The following ATP10A variants were observed in gnomAD, a reference collection of about 807,000 sequenced individuals.
ATP10A encodes phospholipid-transporting ATPase VA.
Under a neutral mutation model 147.8 loss-of-function variants are expected in ATP10A, and 111 were observed. The ratio of observed to expected loss-of-function variants is 0.75; its 90% CI spans 0.64 to 0.88. ATP10A has a LOEUF of 0.88. Among genes scored for constraint, ATP10A ranks in the 40% least tolerant of loss-of-function variants. The probability of loss-of-function intolerance (pLI) is 0.00; values close to 1 mark genes in which losing one functional copy is unlikely to be tolerated. For synonymous variants in ATP10A, 875 were observed against 841.6 expected (o/e 1.04, Z -0.69); for missense variants, 1,927 against 1,959.0 (o/e 0.98, Z 0.31).
intron 2 of ATP10A, among the ~76,000 whole-genome samples, chr15:25,778,496 G>GAAA (rs199544444): frequency 6.9e-5 from 10 of 145,536 alleles, no homozygotes; most frequent in Admixed American, 2.7e-4. Context: ...TAGGGAAAGA[G>GAAA]AAAAAAAAAA....
intron 1 of ATP10A, among the ~76,000 whole-genome samples, chr15:25,842,616 T>C (rs1481752553): frequency 1.3e-5 from 2 of 152,188 alleles, no homozygotes; most frequent in Non-Finnish European, 2.9e-5. Flanking sequence ...ATGATTTTCA[T>C]ACTAGGATGA....
intron 1 of ATP10A, among the ~76,000 whole-genome samples, chr15:25,783,901 C>T (rs1261232697): frequency 5.3e-5 from 8 of 152,200 alleles, no homozygotes; most frequent in East Asian, 1.9e-4. Flanking sequence ...TGCAGAGGCT[C>T]GTTCCTCAGG....
At chr15:25,762,954 A>G (rs981136697) in intron 2 of ATP10A, among the ~76,000 whole-genome samples, 2 of 152,222 alleles carry the variant, frequency 1.3e-5, no homozygotes, top group African/African-American at 2.4e-5. Context: ...AAGGGCAGCT[A>G]AAGTTTTCAA....
At chr15:25,707,946 C>T (rs1188218687) in intron 12 of ATP10A, 30 bp downstream of exon 12, 6 of 1,612,262 alleles carry the variant, frequency 3.7e-6, no homozygotes, top group Non-Finnish European at 4.2e-6. Context: ...TCCACACTGC[C>T]CTTAGGCATG....
chr15:25,830,199 G>T (rs140816928), intron 1 of ATP10A, among the ~76,000 whole-genome samples: 2 of 152,082 alleles, frequency 1.3e-5, no homozygotes, highest in African/African-American at 4.8e-5. Context: ...ATGCAGGAGA[G>T]GGGGTGCAGC....
intron 1 of ATP10A, among the ~76,000 whole-genome samples, chr15:25,840,614 T>G (rs1892772331): frequency 6.6e-6 from 1 of 152,220 alleles, no homozygotes; most frequent in Non-Finnish European, 1.5e-5. Flanking sequence ...AATGCTGCGA[T>G]GAACATTTCT....
intron 12 of ATP10A, 134 bp downstream of exon 12, chr15:25,707,842 G>T: frequency 7.9e-7 from 1 of 1,270,606 alleles, no homozygotes; most frequent in Non-Finnish European, 1.1e-6. Flanking sequence ...CCTCGGCTGT[G>T]CCAGCGTCCT....
rs373469151 is a variant in ATP10A, at chr15:25,679,670, G to A, written c.4171C>T (p.Pro1391Ser). Residue 1391 changes from proline (P) to serine (S), a missense_variant, in exon 21 of 21, where the codon CCG becomes TCG. Transcript: ENST00000555815. ...CCTGGCGCAGAGGACATGGGGGCCG[G>A]TGCGCTCAGCCCCTCCAGCAGGGTG... ...EHTLLEGLSA[P>S]APMSSAPGEA... 9 of 1,613,272 alleles carry A rather than the reference G, an allele frequency of 5.6e-6. No homozygotes were observed. The highest frequency in any genetic ancestry group is 1.1e-5 in the South Asian group (1 of 91,084).
intron 3 of ATP10A, among the ~76,000 whole-genome samples, chr15:25,727,946 T>C (rs1342224598): frequency 6.6e-6 from 1 of 152,132 alleles, no homozygotes; most frequent in Non-Finnish European, 1.5e-5. Flanking sequence ...CTGGGACAGA[T>C]ATGGCCCCAG....
chr15:25,761,797 T>G (rs1476251816), intron 2 of ATP10A, among the ~76,000 whole-genome samples: 3 of 152,252 alleles, frequency 2.0e-5, no homozygotes, highest in African/African-American at 7.2e-5. Context: ...TTTGATTTTA[T>G]AGTCTCATAG....
chr15:25,735,635 A>G (rs1039247810), intron 3 of ATP10A, among the ~76,000 whole-genome samples: 1 of 152,194 alleles, frequency 6.6e-6, no homozygotes, highest in Non-Finnish European at 1.5e-5. Context: ...CCTTGAATGC[A>G]CCCAGCATGT....
At chr15:25,732,562 T>C (rs1439334380) in intron 3 of ATP10A, among the ~76,000 whole-genome samples, 3 of 115,746 alleles carry the variant, frequency 2.6e-5, no homozygotes, top group Non-Finnish European at 3.8e-5. Flanking sequence ...CACCTTCTTT[T>C]TTTTTTTTTT....
chr15:25,841,450 C>T (rs527284180), intron 1 of ATP10A: 1 of 152,018 alleles, frequency 6.6e-6, no homozygotes, highest in South Asian at 2.1e-4. Context: ...TTGCTGATAC[C>T]ACACTTTGCA....
intron 12 of ATP10A, among the ~76,000 whole-genome samples, chr15:25,703,034 C>A (rs1279911877): frequency 1.3e-5 from 2 of 152,110 alleles, no homozygotes; most frequent in African/African-American, 4.8e-5. Context: ...GAGGATGGGG[C>A]TCCCTCGATG....
chr15:25,762,965 C>T (rs1888837955), intron 2 of ATP10A, among the ~76,000 whole-genome samples: 1 of 152,134 alleles, frequency 6.6e-6, no homozygotes, highest in South Asian at 2.1e-4. Flanking sequence ...AAGTTTTCAA[C>T]CGATAATTAA....
chr15:25,850,179 A>T (rs1893218921), intron 1 of ATP10A, among the ~76,000 whole-genome samples: 1 of 152,192 alleles, frequency 6.6e-6, no homozygotes, highest in African/African-American at 2.4e-5. Flanking sequence ...CATTCTGGAA[A>T]ATATCGCTTT....
At chr15:25,697,000 ATAT>A (rs1248914214) in intron 13 of ATP10A, among the ~76,000 whole-genome samples, 1 of 152,186 alleles carries the variant, frequency 6.6e-6, no homozygotes, top group African/African-American at 2.4e-5. Context: ...AGGGCAGGAA[ATAT>A]GGGAAGAAGA....
intron 2 of ATP10A, among the ~76,000 whole-genome samples, chr15:25,774,378 C>A (rs953750314): frequency 6.6e-6 from 1 of 152,108 alleles, no homozygotes; most frequent in Non-Finnish European, 1.5e-5. Flanking sequence ...AGTTCAAGAC[C>A]AGCCTGACCA....
At chr15:25,759,454 A>G (rs1444793663) in intron 2 of ATP10A, among the ~76,000 whole-genome samples, 2 of 152,126 alleles carry the variant, frequency 1.3e-5, no homozygotes, top group East Asian at 1.9e-4. Flanking sequence ...GATGGGAGGG[A>G]GGAGTTTGAG....
Sources: allele counts gnomAD v4.1 joint callset (sites outside exome capture counted in the v4.1 genomes callset), GRCh38; gene constraint gnomAD v4.1.1; transcripts MANE v1.5; gene names NCBI Gene and HGNC (gene_info 2026-07-23, HGNC 2026-07-21).